The following SLC13A3 variants were observed in gnomAD, a reference collection of about 807,000 sequenced individuals.
SLC13A3 encodes the protein Na(+)/dicarboxylate cotransporter 3.
SLC13A3 carries 40 observed loss-of-function variants against 59.0 expected under a neutral mutation model. The observed-to-expected ratio is 0.68, with a 90% CI of 0.53 to 0.88. SLC13A3 has a LOEUF of 0.88. Ranked by LOEUF, SLC13A3 falls within the 40% of genes least tolerant of loss-of-function variation. SLC13A3 has a pLI of 0.00. For missense variants in SLC13A3, 699 were observed against 783.2 expected, an observed-to-expected ratio of 0.89 and a Z score of 1.28; for synonymous variants, 317 against 330.3, an observed-to-expected ratio of 0.96 and a Z score of 0.44.
intron 1 of SLC13A3, among the ~76,000 whole-genome samples, chr20:46,678,782 G>A (rs1373476740): frequency 1.3e-5 from 2 of 152,148 alleles, no homozygotes; most frequent in Non-Finnish European, 2.9e-5. Flanking sequence ...CCAAATCTCA[G>A]GTTGAAATGT....
At chr20:46,675,375 G>A (rs1600635957) in intron 1 of SLC13A3, among the ~76,000 whole-genome samples, 1 of 147,592 alleles carries the variant, frequency 6.8e-6, no homozygotes, top group South Asian at 2.2e-4. Context: ...GACTACAGGC[G>A]CATGCTGCCA....
chr20:46,583,052 G>A (rs1230412429), intron 9 of SLC13A3: 1 of 985,874 alleles, frequency 1.0e-6, no homozygotes, highest in Non-Finnish European at 1.2e-6. Context: ...GGCAACCAAG[G>A]TGCAACTCCT....
At chr20:46,616,948 C>T (rs1335209142) in intron 1 of SLC13A3, among the ~76,000 whole-genome samples, 1 of 152,182 alleles carries the variant, frequency 6.6e-6, no homozygotes, top group Admixed American at 6.5e-5. Flanking sequence ...TGAGTCTTGG[C>T]TCCTGGTACA....
chr20:46,619,828 C>G (rs925510793), intron 1 of SLC13A3, among the ~76,000 whole-genome samples: 1 of 152,180 alleles, frequency 6.6e-6, no homozygotes, highest in Non-Finnish European at 1.5e-5. Context: ...AATATCTATG[C>G]TCTCACAGCA....
At chr20:46,652,091 C>G (rs558996389), upstream of SLC13A3, among the ~76,000 whole-genome samples, 12 of 152,244 alleles carry the variant, frequency 7.9e-5, no homozygotes, top group Admixed American at 3.9e-4. Context: ...CTATGGGAGG[C>G]TGGAGGGTGG....
chr20:46,670,588 A>G (rs1442535306), upstream of SLC13A3, among the ~76,000 whole-genome samples: 1 of 152,142 alleles, frequency 6.6e-6, no homozygotes, highest in Non-Finnish European at 1.5e-5. Flanking sequence ...CATGGACTAG[A>G]CTACTAAATG....
At position 46,596,325 on chromosome 20, in the gene SLC13A3, TC is replaced by T; in HGVS notation, c.625del (p.Glu209ArgfsTer65). The T allele has an allele frequency of 6.2e-7, 1 of 1,614,052 alleles. No individual in the cohort carries two copies. The highest frequency in any genetic ancestry group is 8.5e-7 in the Non-Finnish European group (1 of 1,179,968). On this transcript the variant is annotated frameshift_variant, in exon 5 of 13. Transcript: ENST00000279027. LOFTEE classifies it high-confidence loss of function. Reference protein sequence around the residue: ...ASTEAKDHPGETEVPLDLPAD... With the variant: ...ASTEAKDHPGXTEVPLDLPAD... ...CGGCAGATCCAGTGGAACCTCTGTC[TC>T]CCCAGGGTGGTCTTTGCTTTAAACA... is the stretch of plus-strand genomic sequence containing the variant.
At chr20:46,612,286 C>T (rs974999366) in intron 2 of SLC13A3, among the ~76,000 whole-genome samples, 11 of 151,904 alleles carry the variant, frequency 7.2e-5, no homozygotes, top group African/African-American at 2.4e-4. Flanking sequence ...CATGCGCCAC[C>T]ACGCCCAGTG....
chr20:46,578,547 G>T (rs1191101195), intron 9 of SLC13A3, among the ~76,000 whole-genome samples: 1 of 151,892 alleles, frequency 6.6e-6, no homozygotes, highest in Admixed American at 6.6e-5. Context: ...ATGGTGGTGG[G>T]TGCCTATAAT....
intron 1 of SLC13A3, among the ~76,000 whole-genome samples, chr20:46,615,566 G>C (rs1300600007): frequency 6.6e-6 from 1 of 152,186 alleles, no homozygotes; most frequent in Non-Finnish European, 1.5e-5. Flanking sequence ...CCAAGATCAC[G>C]TCTGACAGCT....
At chr20:46,608,854 C>A in intron 3 of SLC13A3, 1 of 1,538,228 alleles carries the variant, frequency 6.5e-7, no homozygotes, top group Non-Finnish European at 8.8e-7. Flanking sequence ...TGCCATCTAT[C>A]TCTCAAGATG....
chr20:46,632,554 A>G (rs1055869814), intron 1 of SLC13A3, among the ~76,000 whole-genome samples: 9 of 152,034 alleles, frequency 5.9e-5, no homozygotes, highest in Admixed American at 2.6e-4. Context: ...TGATGCCAAG[A>G]AGCAGAGAAG....
At chr20:46,654,601 C>A (rs2062971569), upstream of SLC13A3, among the ~76,000 whole-genome samples, 1 of 152,182 alleles carries the variant, frequency 6.6e-6, no homozygotes, top group African/African-American at 2.4e-5. Flanking sequence ...GCCATCTCAG[C>A]TCACTGCAAC....
Position 46,641,872 on chromosome 20 carries a change from TA to T in SLC13A3, c.111+9438del, listed in dbSNP as rs1159815900. Among the ~76,000 whole-genome samples, 8 of 152,310 alleles carry T rather than the reference TA, an allele frequency of 5.3e-5. No individual in the cohort carries two copies. The South Asian group carries it at 1.0e-3, about 20-fold the overall frequency. On this transcript the variant is annotated intron_variant, in intron 1 of 12. Transcript: ENST00000279027. ...CAACCAATCGAGACCCCATACTCCC[TA>T]CCACCTCTTTTTGAGGGATCTCACA...
chr20:46,651,036 G>T (rs1221645477), intron 1 of SLC13A3, among the ~76,000 whole-genome samples: 1 of 152,140 alleles, frequency 6.6e-6, no homozygotes, highest in Non-Finnish European at 1.5e-5. Flanking sequence ...CTGGGTGACC[G>T]GCGAGAACCT....
At chr20:46,638,715 A>G (rs2062818783) in intron 1 of SLC13A3, among the ~76,000 whole-genome samples, 1 of 152,218 alleles carries the variant, frequency 6.6e-6, no homozygotes. Context: ...ACTCTGGACC[A>G]TGCCTGCCTC....
In SLC13A3 at chr20:46,596,333, G is replaced by C. The variant is rs772562442; in HGVS notation, c.618C>G (p.His206Gln). The change falls in exon 5 of 13, where the codon CAC (histidine) becomes CAG (glutamine). Residue 206 changes from histidine (H) to glutamine (Q), a missense_variant. His to Gln is a conservative substitution (Grantham distance 24). Transcript: ENST00000279027. ...CCAGTGGAACCTCTGTCTCCCCAGG[G>C]TGGTCTTTGCTTTAAACAAATCCAA... ...QFLASTEAKD[H>Q]PGETEVPLDL... The C allele has an allele frequency of 6.8e-6, 11 of 1,613,846 alleles. No individual in the cohort carries two copies. Among genetic ancestry groups the C allele is most frequent in the Non-Finnish European group, 5.9e-6 (7 of 1,179,920 alleles).
chr20:46,640,814 T>G (rs946818046), intron 1 of SLC13A3, among the ~76,000 whole-genome samples: 1 of 152,150 alleles, frequency 6.6e-6, no homozygotes, highest in Non-Finnish European at 1.5e-5. Context: ...GTCTTCAAGG[T>G]CTGGCGGTGT....
chr20:46,577,943 A>G (rs2062095296), intron 9 of SLC13A3, among the ~76,000 whole-genome samples: 1 of 152,116 alleles, frequency 6.6e-6, no homozygotes, highest in Admixed American at 6.5e-5. Context: ...TGTGCAAAGG[A>G]CTCATCCCAG....
Sources: gnomAD v4.1 joint callset for allele counts (sites outside exome capture counted in the v4.1 genomes callset) on GRCh38, gnomAD v4.1.1 for gene constraint, MANE v1.5 for transcripts, NCBI Gene and HGNC (gene_info 2026-07-23, HGNC 2026-07-21) for gene names.